The following SLC35F3 variants were observed in gnomAD, a reference collection of about 807,000 sequenced individuals.
SLC35F3 encodes the protein putative thiamine transporter SLC35F3.
A neutral mutation model predicts 49.9 loss-of-function variants in SLC35F3; 25 were observed. The observed-to-expected ratio is 0.50, with a 90% CI of 0.37 to 0.70. The LOEUF is 0.70. Among genes scored for constraint, SLC35F3 ranks in the 30% least tolerant of loss-of-function variants. The pLI is 0.00. For synonymous variants in SLC35F3, 275 were observed against 265.4 expected (o/e 1.04, Z -0.35); for missense variants, 525 against 639.8 (o/e 0.82, Z 1.94).
At chr1:234,271,961 C>T (rs1668114409) in intron 3 of SLC35F3, among the ~76,000 whole-genome samples, 1 of 151,924 alleles carries the variant, frequency 6.6e-6, no homozygotes, top group Non-Finnish European at 1.5e-5. Flanking sequence ...CCCGTCTCTA[C>T]AAAAAAATAC....
intron 2 of SLC35F3, among the ~76,000 whole-genome samples, chr1:234,099,258 A>G (rs867843404): frequency 1.3e-5 from 2 of 152,266 alleles, no homozygotes; most frequent in Admixed American, 6.5e-5. Context: ...GTGCAATAGA[A>G]TAATATTGGG....
intron 2 of SLC35F3, among the ~76,000 whole-genome samples, chr1:234,165,153 G>A (rs533960898): frequency 7.9e-5 from 12 of 151,754 alleles, no homozygotes; most frequent in African/African-American, 2.9e-4. Flanking sequence ...TATATATAGC[G>A]TATATATAGC....
At chr1:234,236,377 C>T (rs1414765942) in intron 3 of SLC35F3, among the ~76,000 whole-genome samples, 1 of 152,032 alleles carries the variant, frequency 6.6e-6, no homozygotes, top group Non-Finnish European at 1.5e-5. Flanking sequence ...GAGGTTAAGG[C>T]TGTAATAAGC....
intron 5 of SLC35F3, among the ~76,000 whole-genome samples, chr1:234,316,947 G>T (rs977811062): frequency 1.6e-4 from 25 of 152,222 alleles, no homozygotes; most frequent in Non-Finnish European, 2.9e-4. Context: ...TTGGCTCTCT[G>T]GGCCTTCCTA....
intron 2 of SLC35F3, among the ~76,000 whole-genome samples, chr1:234,119,482 G>A (rs535696760): frequency 6.6e-6 from 1 of 152,254 alleles, no homozygotes; most frequent in African/African-American, 2.4e-5. Context: ...GTCCGCCGTT[G>A]GATAGACATT....
At chr1:234,208,955 C>A (rs951532338) in intron 2 of SLC35F3, among the ~76,000 whole-genome samples, 2 of 152,182 alleles carry the variant, frequency 1.3e-5, no homozygotes, top group African/African-American at 4.8e-5. Flanking sequence ...CTTTGATGAG[C>A]AAACTGTTGC....
intron 2 of SLC35F3, among the ~76,000 whole-genome samples, chr1:233,919,460 A>T (rs1662025354): frequency 6.6e-6 from 1 of 152,158 alleles, no homozygotes; most frequent in African/African-American, 2.4e-5. Flanking sequence ...TGATAAAGGA[A>T]ATCTGTTTTT....
chr1:233,922,992 G>A (rs1312188983), intron 2 of SLC35F3, among the ~76,000 whole-genome samples: 3 of 152,118 alleles, frequency 2.0e-5, no homozygotes, highest in East Asian at 3.9e-4. Context: ...GCTCTATTAT[G>A]TACCATTGGT....
intron 2 of SLC35F3, among the ~76,000 whole-genome samples, chr1:234,074,747 G>A (rs1051633172): frequency 9.9e-5 from 15 of 152,188 alleles, no homozygotes. Context: ...CGGAATTTGT[G>A]GGAACTGAGT....
At chr1:233,947,337 G>A (rs1016486761) in intron 2 of SLC35F3, among the ~76,000 whole-genome samples, 6 of 151,974 alleles carry the variant, frequency 3.9e-5, no homozygotes, top group African/African-American at 7.3e-5. Context: ...AACAGTAAGA[G>A]GGAGGAGAGA....
At chr1:234,087,151 C>T (rs894700392) in intron 2 of SLC35F3, among the ~76,000 whole-genome samples, 14 of 152,174 alleles carry the variant, frequency 9.2e-5, no homozygotes, top group African/African-American at 3.4e-4. Context: ...ACCACCACTG[C>T]TTCCAAGCCT....
At chr1:234,004,596 TA>T (rs1401084541) in intron 2 of SLC35F3, among the ~76,000 whole-genome samples, 26 of 152,224 alleles carry the variant, frequency 1.7e-4, no homozygotes, top group Non-Finnish European at 2.9e-4. Flanking sequence ...TGAGTCAAAT[TA>T]AAAACTAATT....
intron 2 of SLC35F3, among the ~76,000 whole-genome samples, chr1:234,131,465 C>T (rs981210317): frequency 2.0e-5 from 3 of 152,102 alleles, no homozygotes; most frequent in African/African-American, 7.2e-5. Flanking sequence ...CCATCCCAGT[C>T]TCAGCAGCAG....
chr1:233,950,854 T>A (rs1222279415), intron 2 of SLC35F3, among the ~76,000 whole-genome samples: 3 of 152,056 alleles, frequency 2.0e-5, no homozygotes, highest in Non-Finnish European at 4.4e-5. Flanking sequence ...TTGGTTTTTT[T>A]TCCCCCTGCA....
At chr1:234,290,605 TC>T (rs1668491718) in intron 3 of SLC35F3, among the ~76,000 whole-genome samples, 1 of 152,170 alleles carries the variant, frequency 6.6e-6, no homozygotes, top group African/African-American at 2.4e-5. Flanking sequence ...TTGCTGAGAA[TC>T]CTACTCCATT....
intron 2 of SLC35F3, among the ~76,000 whole-genome samples, chr1:233,927,398 T>C (rs1662177019): frequency 6.6e-6 from 1 of 152,168 alleles, no homozygotes; most frequent in South Asian, 2.1e-4. Flanking sequence ...TACTTCAAAA[T>C]GGTTTTTCAA....
At chr1:233,912,164 A>G (rs1661884308) in intron 2 of SLC35F3, among the ~76,000 whole-genome samples, 1 of 152,176 alleles carries the variant, frequency 6.6e-6, no homozygotes, top group South Asian at 2.1e-4. Flanking sequence ...CTTCATAGCT[A>G]TATGACAAGT....
chr1:234,187,480 C>G (rs895739013), intron 2 of SLC35F3, among the ~76,000 whole-genome samples: 4 of 152,190 alleles, frequency 2.6e-5, no homozygotes, highest in African/African-American at 9.7e-5. Flanking sequence ...ACTTCTGCTC[C>G]AAGAACTACT....
intron 4 of SLC35F3, among the ~76,000 whole-genome samples, chr1:234,315,977 G>A (rs963320394): frequency 5.3e-5 from 8 of 152,198 alleles, no homozygotes; most frequent in African/African-American, 1.9e-4. Flanking sequence ...ACAATAACAG[G>A]ATTGAGGGGA....
Sources: allele counts gnomAD v4.1 joint callset (sites outside exome capture counted in the v4.1 genomes callset), GRCh38; gene constraint gnomAD v4.1.1; transcripts MANE v1.5; gene names NCBI Gene and HGNC (gene_info 2026-07-23, HGNC 2026-07-21).